The following CC2D2B variants were observed in gnomAD, a reference collection of about 807,000 sequenced individuals.
CC2D2B encodes coiled-coil and C2 domain containing 2B, also known as protein CC2D2B.
A neutral mutation model predicts 161.2 loss-of-function variants in CC2D2B; 128 were observed. The observed-to-expected ratio is 0.79, with a 90% CI of 0.69 to 0.92. The LOEUF is 0.92. CC2D2B is among the 40% of genes least tolerant of loss of function. CC2D2B has a pLI of 0.00. For missense variants in CC2D2B, 1,173 were observed against 1,375.1 expected (o/e 0.85, Z 2.32); for synonymous variants, 391 against 449.8 (o/e 0.87, Z 1.65).
intron 24 of CC2D2B, among the ~76,000 whole-genome samples, chr10:96,003,042 A>ATG (rs2078578038): frequency 6.8e-6 from 1 of 148,130 alleles, no homozygotes; most frequent in Non-Finnish European, 1.5e-5. Context: ...ATATATATAT[A>ATG]TAGAAATAAA....
intron 25 of CC2D2B, among the ~76,000 whole-genome samples, chr10:96,005,075 G>A (rs1258263869): frequency 6.6e-6 from 1 of 152,192 alleles, no homozygotes; most frequent in Non-Finnish European, 1.5e-5. Flanking sequence ...GATAAATGCT[G>A]AAGGTAAAAT....
rs1170784634 is a variant in CC2D2B, at chr10:95,938,607, C to G, written c.574C>G (p.Arg192Gly). Residue 192 changes from arginine to glycine, a missense_variant, in exon 8 of 35, where the codon CGT becomes GGT. Coordinates refer to ENST00000646931, the MANE Select transcript of CC2D2B (RefSeq NM_001349008.3). ...QRKLPKDMMP[R>G]ILEDEGFYIQ... ...CAAACTGCCAAAAGATATGATGCCA[C>G]GTATTCTAGAAGATGAAGGATTCTA... The G allele has an allele frequency of 1.4e-6, 1 of 710,398 alleles. No homozygotes were observed. Among genetic ancestry groups the G allele is most frequent in the Admixed American group, 2.1e-5 (1 of 48,088 alleles). The allele number at this position is 710,398 out of a possible 1,614,324, so 44.0% of individuals were successfully genotyped here.
At chr10:95,921,763 T>A (rs10786245) in intron 2 of CC2D2B, among the ~76,000 whole-genome samples, 1 of 140,936 alleles carries the variant, frequency 7.1e-6, no homozygotes, top group East Asian at 2.6e-4. Context: ...CACATAGACA[T>A]GGGGCGGGGC....
intron 25 of CC2D2B, among the ~76,000 whole-genome samples, chr10:96,006,169 T>G (rs1178975641): frequency 6.6e-6 from 1 of 151,264 alleles, no homozygotes; most frequent in African/African-American, 2.4e-5. Context: ...AGGACTACAG[T>G]TTTTGTACTT....
chr10:96,008,387 T>C (rs748318801), intron 25 of CC2D2B, among the ~76,000 whole-genome samples: 19 of 152,264 alleles, frequency 1.2e-4, no homozygotes, highest in Non-Finnish European at 2.2e-4. Flanking sequence ...TATGAACATT[T>C]GTGTAAAGTC....
intron 16 of CC2D2B, among the ~76,000 whole-genome samples, chr10:95,973,389 T>G (rs1394678531): frequency 6.6e-6 from 1 of 152,202 alleles, no homozygotes; most frequent in Non-Finnish European, 1.5e-5. Flanking sequence ...CTTTTTCTGC[T>G]GCCAATGGTC....
chr10:95,945,845 T>C (rs11188533), intron 9 of CC2D2B, among the ~76,000 whole-genome samples: 17,619 of 145,340 alleles, frequency 0.12, 1,817 homozygotes, highest in African/African-American at 0.27. Flanking sequence ...AGTGCAATGG[T>C]ACAGTCTCAG....
At chr10:96,008,247 A>G (rs1450441677) in intron 25 of CC2D2B, among the ~76,000 whole-genome samples, 2 of 151,582 alleles carry the variant, frequency 1.3e-5, no homozygotes, top group Admixed American at 6.6e-5. Flanking sequence ...GTTTTATCAA[A>G]TAGTTCATTT....
At chr10:96,004,346 A>G (rs1464561450) in intron 25 of CC2D2B, 98 bp downstream of exon 25, 4 of 656,488 alleles carry the variant, frequency 6.1e-6, no homozygotes, top group Admixed American at 6.1e-5. Flanking sequence ...TTTAGATGCA[A>G]TGTCTACATC....
chr10:96,006,021 A>G (rs933166658), intron 25 of CC2D2B, among the ~76,000 whole-genome samples: 1 of 150,720 alleles, frequency 6.6e-6, no homozygotes, highest in African/African-American at 2.4e-5. Flanking sequence ...AATTTTTAAA[A>G]AATTATTTAA....
chr10:95,984,870 T>TA (rs879841342), intron 19 of CC2D2B, among the ~76,000 whole-genome samples: 46 of 146,518 alleles, frequency 3.1e-4, no homozygotes, highest in East Asian at 7.9e-4. Flanking sequence ...ACCCTGTCTT[T>TA]AAAAAAAAAA....
Position 95,938,781 on chromosome 10 carries a change from T to TA in CC2D2B, c.673-13dup. ...TAGCAAAATATTTAATTACTATACTTAAATATTTTTGATAGGGAAAATGTT... is the reference window on the plus strand; with the variant it reads ...TAGCAAAATATTTAATTACTATACTTAAAATATTTTTGATAGGGAAAATGTT... On this transcript the variant is annotated splice_polypyrimidine_tract_variant and intron_variant, in intron 8 of 34. Transcript: ENST00000646931. The TA allele has an allele frequency of 1.4e-6, 1 of 706,504 alleles. No homozygotes were observed. Among genetic ancestry groups the TA allele is most frequent in the African/African-American group, 1.8e-5 (1 of 56,658 alleles). The allele number at this position is 706,504 out of a possible 1,614,324, so 43.8% of individuals were successfully genotyped here.
At chr10:95,987,755 T>G (rs1156764319) in intron 19 of CC2D2B, among the ~76,000 whole-genome samples, 1 of 152,204 alleles carries the variant, frequency 6.6e-6, no homozygotes, top group Non-Finnish European at 1.5e-5. Context: ...ACAAACAATC[T>G]TGTGACAGAG....
At chr10:95,970,354 T>C (rs1171242711) in intron 15 of CC2D2B, among the ~76,000 whole-genome samples, 2 of 152,098 alleles carry the variant, frequency 1.3e-5, no homozygotes, top group Non-Finnish European at 2.9e-5. Flanking sequence ...TTCTTACTAC[T>C]CCTCCTTATT....
Position 96,032,439 on chromosome 10 carries a change from G to A in CC2D2B, c.*431G>A, listed in dbSNP as rs984507926. 1.5e-5 allele frequency: 3 copies of A among 203,506 alleles called. No homozygotes were observed. Among genetic ancestry groups the A allele is most frequent in the African/African-American group, 7.0e-5 (3 of 43,104 alleles). 12.6% of individuals were successfully genotyped at this position (203,506 alleles called of 1,614,324 possible). ...CCACTGAATCAGCACCTCTGGGAGTGAAGCTACAGACTCTGCATTATTTTC... is the reference window on the plus strand; with the variant it reads ...CCACTGAATCAGCACCTCTGGGAGTAAAGCTACAGACTCTGCATTATTTTC... On this transcript the variant is annotated 3_prime_UTR_variant, in exon 35 of 35. Coordinates refer to ENST00000646931, the MANE Select transcript of CC2D2B (RefSeq NM_001349008.3).
intron 34 of CC2D2B, 77 bp downstream of exon 34, chr10:96,027,466 T>C: frequency 9.2e-7 from 1 of 1,084,234 alleles, no homozygotes; most frequent in Non-Finnish European, 1.3e-6. Flanking sequence ...CAGTCTTAAA[T>C]ATTTCTGAAA....
At chr10:96,018,100 T>C (rs1368790971) in intron 30 of CC2D2B, among the ~76,000 whole-genome samples, 6 of 152,218 alleles carry the variant, frequency 3.9e-5, no homozygotes, top group African/African-American at 1.4e-4. Flanking sequence ...ATGGGCATAA[T>C]AACCCTTCCT....
intron 24 of CC2D2B, among the ~76,000 whole-genome samples, chr10:96,001,392 G>A (rs572944112): frequency 2.6e-5 from 4 of 151,764 alleles, no homozygotes; most frequent in East Asian, 1.9e-4. Flanking sequence ...AATTTCCTAC[G>A]AATATTTTAT....
Position 95,977,149 on chromosome 10 carries a change from C to T in CC2D2B, c.1943+2993C>T, listed in dbSNP as rs537120570. ...ACTTTGGAGGCCAAGGTGGGCAGAT[C>T]ACCTGAAGTCAGGAGTTTGAGACCA... On this transcript the variant is annotated intron_variant, in intron 17 of 34. Coordinates refer to ENST00000646931, the MANE Select transcript of CC2D2B (RefSeq NM_001349008.3). Among the ~76,000 whole-genome samples the T allele has an allele frequency of 9.2e-5, 14 of 152,188 alleles. No homozygotes were observed. The East Asian group carries it at 2.7e-3, about 30-fold the overall frequency.
Sources: gnomAD v4.1 joint callset for allele counts (sites outside exome capture counted in the v4.1 genomes callset) on GRCh38, gnomAD v4.1.1 for gene constraint, MANE v1.5 for transcripts, NCBI Gene and HGNC (gene_info 2026-07-23, HGNC 2026-07-21) for gene names.